The following FAM193A variants were observed in gnomAD, a reference collection of about 807,000 sequenced individuals.
The protein encoded by FAM193A is family with sequence similarity 193 member A.
A neutral mutation model predicts 126.5 loss-of-function variants in FAM193A; 22 were observed. That is an observed-to-expected ratio of 0.17 (90% CI 0.12 to 0.25). FAM193A has a LOEUF of 0.25. FAM193A is among the 10% of genes least tolerant of loss of function. The pLI is 1.00. For missense variants in FAM193A, 1,675 were observed against 1,672.8 expected, an observed-to-expected ratio of 1.00 and a Z score of -0.02; for synonymous variants, 761 against 646.8, an observed-to-expected ratio of 1.18 and a Z score of -2.68.
At position 2,538,066 on chromosome 4, in the gene FAM193A, AT is replaced by A. The variant is rs537816152; in HGVS notation, c.255+904del. 4.6e-5 allele frequency among the ~76,000 whole-genome samples: 7 copies of A among 151,958 alleles called. No individual in the cohort carries two copies. In the East Asian group the frequency reaches 1.3e-3, roughly 29 times the overall value. On this transcript the variant is annotated intron_variant, in intron 1 of 20. Transcript: ENST00000637812. Reference sequence around the variant, plus strand: ...CCCATTGTCTGCTGAAAGAGAATAGATTTTTTTTGAAAAGTTGCGTTCTTAT... The same window carrying A: ...CCCATTGTCTGCTGAAAGAGAATAGATTTTTTTGAAAAGTTGCGTTCTTAT...
intron 6 of FAM193A, among the ~76,000 whole-genome samples, chr4:2,644,597 C>T (rs375697798): frequency 7.2e-5 from 11 of 152,160 alleles, no homozygotes; most frequent in Non-Finnish European, 1.5e-4. Context: ...AATCCATGTG[C>T]GTCAGTATTG....
At chr4:2,658,053 A>C (rs1332433707) in intron 8 of FAM193A, among the ~76,000 whole-genome samples, 173 bp downstream of exon 8, 5 of 152,224 alleles carry the variant, frequency 3.3e-5, no homozygotes, top group African/African-American at 1.2e-4. Flanking sequence ...AAGATAAACT[A>C]ATTTTCACCT....
At chr4:2,708,008 C>T in intron 19 of FAM193A, 2 of 288,156 alleles carry the variant, frequency 6.9e-6, no homozygotes, top group South Asian at 5.1e-5. Flanking sequence ...CCTTAGCCTC[C>T]CAAAGTGCTG....
chr4:2,695,039 T>C lies in FAM193A; in HGVS notation c.3186T>C (p.Ser1062=). ...AGAGTGCAGATGAGGACAGCTGCTC[T>C]GAGCACAGCTCCAGCACCTCGACCT... The part of the protein sequence containing the change: ...GDESADEDSC[S]EHSSSTSTST... Residue 1062 remains serine, a synonymous_variant, in exon 17 of 21, where the codon TCT becomes TCC. Transcript: ENST00000637812. The C allele has an allele frequency of 1.2e-6, 2 of 1,610,636 alleles. No individual in the cohort carries two copies. Among genetic ancestry groups the C allele is most frequent in the Non-Finnish European group, 1.7e-6 (2 of 1,178,638 alleles).
intron 2 of FAM193A, among the ~76,000 whole-genome samples, chr4:2,623,473 C>G (rs949592661): frequency 8.5e-5 from 13 of 152,142 alleles, no homozygotes; most frequent in Non-Finnish European, 1.8e-4. Flanking sequence ...CCTGGCCGGT[C>G]CCCTGCTGTC....
chr4:2,583,354 A>G (rs575204868), intron 1 of FAM193A, among the ~76,000 whole-genome samples: 1 of 152,256 alleles, frequency 6.6e-6, no homozygotes, highest in South Asian at 2.1e-4. Context: ...TTCCCTGGCT[A>G]TAATTTTGGA....
At chr4:2,665,693 A>T (rs547586391) in intron 12 of FAM193A, among the ~76,000 whole-genome samples, 2 of 151,758 alleles carry the variant, frequency 1.3e-5, no homozygotes, top group South Asian at 2.1e-4. Context: ...GCCCAGCTTT[A>T]AAAAAAAACT....
chr4:2,572,923 C>T (rs774170114), intron 1 of FAM193A, among the ~76,000 whole-genome samples: 4 of 151,652 alleles, frequency 2.6e-5, no homozygotes, highest in Non-Finnish European at 4.4e-5. Flanking sequence ...ATGGGTTGAA[C>T]GTAGCAGGAT....
chr4:2,539,449 C>T (rs1178256381), intron 1 of FAM193A, among the ~76,000 whole-genome samples: 2 of 152,102 alleles, frequency 1.3e-5, no homozygotes, highest in Admixed American at 6.6e-5. Flanking sequence ...GAGACACGGT[C>T]TCTCTCTGTT....
At chr4:2,539,172 G>A (rs896975973) in intron 1 of FAM193A, among the ~76,000 whole-genome samples, 1 of 152,148 alleles carries the variant, frequency 6.6e-6, no homozygotes, top group African/African-American at 2.4e-5. Flanking sequence ...AATTACAGGC[G>A]TGAGCCACCG....
chr4:2,688,142 C>T (rs151000897), intron 13 of FAM193A, among the ~76,000 whole-genome samples: 1 of 152,262 alleles, frequency 6.6e-6, no homozygotes, highest in East Asian at 1.9e-4. Context: ...CGTATGTCTG[C>T]CCAGCATTAG....
chr4:2,626,625 C>G lies in FAM193A; in HGVS notation c.803+48C>G, dbSNP rs1029329308. 9 of 665,746 alleles carry G rather than the reference C, an allele frequency of 1.4e-5. No homozygotes were observed. The African/African-American group carries it at 1.6e-4, about 12-fold the overall frequency. 41.2% of individuals were successfully genotyped at this position (665,746 alleles called of 1,614,324 possible). On this transcript the variant is annotated intron_variant, in intron 4 of 20. Transcript: ENST00000637812. ...GTGGCCCCATGCAAACCCCTGCCCT[C>G]CCTGCTGCACTTGGAGCCACTCCTT...
chr4:2,573,023 A>T (rs1038147051), intron 1 of FAM193A, among the ~76,000 whole-genome samples: 2 of 152,128 alleles, frequency 1.3e-5, no homozygotes, highest in African/African-American at 4.8e-5. Context: ...AACAGCTTGT[A>T]CATTTTGTTA....
chr4:2,594,566 C>T (rs138014459), intron 1 of FAM193A, among the ~76,000 whole-genome samples: 3,148 of 152,250 alleles, frequency 0.021, 98 homozygotes, highest in Non-Finnish European at 0.026. Flanking sequence ...TTCTGGCTGC[C>T]TCTGGAAGGC....
At chr4:2,658,677 G>T (rs1712014411) in intron 8 of FAM193A, among the ~76,000 whole-genome samples, 1 of 152,190 alleles carries the variant, frequency 6.6e-6, no homozygotes, top group Non-Finnish European at 1.5e-5. Flanking sequence ...GGCACCACAG[G>T]TATACAGATG....
chr4:2,688,262 A>G (rs1715971597), intron 13 of FAM193A, among the ~76,000 whole-genome samples: 1 of 152,172 alleles, frequency 6.6e-6, no homozygotes, highest in Admixed American at 6.5e-5. Flanking sequence ...TAGGTCTCGA[A>G]TTATAACTGT....
At chr4:2,584,877 A>G (rs61790213) in intron 1 of FAM193A, among the ~76,000 whole-genome samples, 12,178 of 152,076 alleles carry the variant, frequency 0.08, 632 homozygotes, top group Non-Finnish European at 0.12. Flanking sequence ...GTGAGCCGAG[A>G]CCGTGCCACT....
chr4:2,709,899 C>A (rs1318602730), intron 19 of FAM193A, among the ~76,000 whole-genome samples: 2 of 152,152 alleles, frequency 1.3e-5, no homozygotes, highest in African/African-American at 4.8e-5. Flanking sequence ...ATTATTCTAT[C>A]TCTAGTGAGG....
In FAM193A at chr4:2,662,884, G is replaced by T. The variant is rs1221641195; in HGVS notation, c.1792G>T (p.Asp598Tyr). ...TGCACCATTGTCAGCCAAATTTGCT[G>T]ATATTTATCCATTGAGTAATTATGA... is the stretch of plus-strand genomic sequence containing the variant. Reference protein sequence around the residue: ...DVAPLSAKFADIYPLSNYDDT... With the variant: ...DVAPLSAKFAYIYPLSNYDDT... Residue 598 changes from aspartate to tyrosine, a missense_variant, in exon 11 of 21, where the codon GAT becomes TAT. By Grantham distance (160) the Asp-to-Tyr change is radical (BLOSUM62 -3). Transcript: ENST00000637812. 1.2e-6 allele frequency: 2 copies of T among 1,612,100 alleles called. No individual in the cohort carries two copies. Among genetic ancestry groups the T allele is most frequent in the South Asian group, 1.1e-5 (1 of 91,036 alleles).
Sources: gnomAD v4.1 joint callset for allele counts (sites outside exome capture counted in the v4.1 genomes callset) on GRCh38, gnomAD v4.1.1 for gene constraint, MANE v1.5 for transcripts, NCBI Gene and HGNC (gene_info 2026-07-23, HGNC 2026-07-21) for gene names.